Variants in ITGB1BP1 observed in about 807,000 individuals in gnomAD.
ITGB1BP1 encodes the protein integrin beta-1-binding protein 1.
In ITGB1BP1, 20 loss-of-function variants were observed where a neutral mutation model predicts 28.0. The ratio of observed to expected loss-of-function variants is 0.71; its 90% confidence interval spans 0.50 to 1.04. ITGB1BP1 has a LOEUF of 1.04. ITGB1BP1 is among the 50% of genes least tolerant of loss of function. The pLI, the probability that ITGB1BP1 is intolerant of heterozygous loss-of-function variation, is 0.00. For missense variants in ITGB1BP1, 228 were observed against 242.5 expected (o/e 0.94, Z 0.40); for synonymous variants, 103 against 89.5 (o/e 1.15, Z -0.85).
rs1210140109 is a variant in ITGB1BP1, at chr2:9,405,723, T to C, written c.*1111A>G. On this transcript the variant is annotated 3_prime_UTR_variant, in exon 7 of 7. Transcript: ENST00000355346. ...TTTTTAATCTTTAAAGTTTTGTATA[T>C]TGACAGTCCTTTAAAAAAAGTACAC... 6.6e-6 allele frequency: 1 copy of C among 152,268 alleles called. No individual in the cohort carries two copies. Among genetic ancestry groups the C allele is most frequent in the Non-Finnish European group, 1.5e-5 (1 of 68,046 alleles). The allele number at this position is 152,268 out of a possible 1,614,324, so 9.4% of individuals were successfully genotyped here. A position where few individuals can be genotyped will look rare whatever the true frequency, so the allele number is the denominator to read the frequency against.
chr2:9,419,001 G>A (rs768009427), intron 1 of ITGB1BP1, among the ~76,000 whole-genome samples: 8 of 152,104 alleles, frequency 5.3e-5, no homozygotes, highest in Non-Finnish European at 8.8e-5. Context: ...CGATCCTCCC[G>A]CCTTGGCCTC....
intron 4 of ITGB1BP1, among the ~76,000 whole-genome samples, chr2:9,411,440 G>A (rs1444401095): frequency 6.6e-6 from 1 of 152,118 alleles, no homozygotes; most frequent in Non-Finnish European, 1.5e-5. Flanking sequence ...AGTATTAATA[G>A]GCCGGGCACA....
At chr2:9,409,885 C>T (rs567931069) in intron 4 of ITGB1BP1, among the ~76,000 whole-genome samples, 1 of 140,580 alleles carries the variant, frequency 7.1e-6, no homozygotes, top group South Asian at 2.3e-4. Flanking sequence ...GCTCTTGTTG[C>T]CCAGGCTGGA....
In ITGB1BP1 at chr2:9,414,230, A is replaced by G; in HGVS notation, c.99T>C (p.Leu33=). The G allele has an allele frequency of 2.5e-6, 4 of 1,614,100 alleles. No individual in the cohort carries two copies. Among genetic ancestry groups the G allele is most frequent in the Non-Finnish European group, 3.4e-6 (4 of 1,179,950 alleles). ...SKSVDSSLGG[L]SRSSTVASLD... is the part of the protein sequence containing the mutation. ...GGCTGGCCACAGTGCTGGATCGTGA[A>G]AGACCCCCAAGGCTAGAATCCACAG... The change falls in exon 3 of 7, where the codon CTT becomes CTC. Residue 33 remains leucine, a synonymous_variant. Coordinates refer to ENST00000355346, the MANE Select transcript of ITGB1BP1 (RefSeq NM_004763.5).
rs1572662910 is a variant in ITGB1BP1, at chr2:9,405,074, G to A, written c.*1760C>T. On this transcript the variant is annotated 3_prime_UTR_variant, in exon 7 of 7. Coordinates refer to ENST00000355346, the MANE Select transcript of ITGB1BP1 (RefSeq NM_004763.5). The stretch of plus-strand genomic sequence containing the variant: ...GACCACCTGGTGCCAGCTATATAAG[G>A]AATAAAGTTGATTCATATCAACATT... 1.3e-5 allele frequency: 2 copies of A among 152,474 alleles called. No individual in the cohort carries two copies. The highest frequency in any genetic ancestry group is 3.9e-4 in the East Asian group (2 of 5,180). The allele number at this position is 152,474 out of a possible 1,614,324, so 9.4% of individuals were successfully genotyped here.
intron 2 of ITGB1BP1, among the ~76,000 whole-genome samples, chr2:9,416,694 CACA>C (rs992736325): frequency 2.0e-5 from 3 of 152,184 alleles, no homozygotes; most frequent in African/African-American, 7.2e-5. Flanking sequence ...CGACTTCCTC[CACA>C]ACTTTAGGCC....
intron 1 of ITGB1BP1, among the ~76,000 whole-genome samples, chr2:9,420,775 G>T (rs1335753965): frequency 6.6e-6 from 1 of 152,172 alleles, no homozygotes; most frequent in African/African-American, 2.4e-5. Context: ...TTTATTTTTT[G>T]CTTATCTGCT....
intron 1 of ITGB1BP1, among the ~76,000 whole-genome samples, chr2:9,420,836 G>GCA (rs1164853792): frequency 6.6e-6 from 1 of 152,234 alleles, no homozygotes; most frequent in East Asian, 1.9e-4. Flanking sequence ...GACACAATCA[G>GCA]GTGTCTTCTG....
intron 2 of ITGB1BP1, among the ~76,000 whole-genome samples, chr2:9,417,671 G>A (rs1679315192): frequency 6.6e-6 from 1 of 152,010 alleles, no homozygotes; most frequent in African/African-American, 2.4e-5. Context: ...TGCCTGCCTT[G>A]GCCTCCCAAA....
chr2:9,407,235 G>A (rs1248192135), intron 6 of ITGB1BP1: 45 of 613,470 alleles, frequency 7.3e-5, no homozygotes, highest in Admixed American at 4.1e-4. Flanking sequence ...TTTAAATCCC[G>A]GCACAAGCGA....
At position 9,406,687 on chromosome 2, in the gene ITGB1BP1, A is replaced by T. The variant is rs1677430051; in HGVS notation, c.*147T>A. ...ACTGTGTAATAGGACACATTTTAAT[A>T]AACAAATGATCAGCATTTTACACAA... On this transcript the variant is annotated 3_prime_UTR_variant, in exon 7 of 7. Coordinates refer to ENST00000355346, the MANE Select transcript of ITGB1BP1 (RefSeq NM_004763.5). 1.5e-6 allele frequency: 1 copy of T among 653,910 alleles called. No homozygotes were observed. Among genetic ancestry groups the T allele is most frequent in the South Asian group, 1.8e-5 (1 of 54,304 alleles). 40.5% of individuals were successfully genotyped at this position (653,910 alleles called of 1,614,324 possible).
At chr2:9,417,488 C>T (rs1679288931) in intron 2 of ITGB1BP1, among the ~76,000 whole-genome samples, 1 of 152,066 alleles carries the variant, frequency 6.6e-6, no homozygotes, top group South Asian at 2.1e-4. Context: ...GGTGTGATCT[C>T]AGCTCACTGC....
intron 4 of ITGB1BP1, 194 bp from the exon 5 acceptor site, chr2:9,408,399 T>A: frequency 1.8e-6 from 1 of 543,068 alleles, no homozygotes; most frequent in Middle Eastern, 5.0e-4. Flanking sequence ...AGGTTATTTT[T>A]ATTTTTGAGA....
At chr2:9,422,763 C>G in intron 1 of ITGB1BP1, 1 of 985,764 alleles carries the variant, frequency 1.0e-6, no homozygotes, top group Non-Finnish European at 1.2e-6. Context: ...ATGCACGGTG[C>G]TAGGTGCACA....
At chr2:9,418,776 C>CTTTTTT in intron 1 of ITGB1BP1, 44 bp from the exon 2 acceptor site, 4 of 952,038 alleles carry the variant, frequency 4.2e-6, no homozygotes, top group South Asian at 1.5e-5. Flanking sequence ...GGAAAAGCAA[C>CTTTTTT]TTTTTTTTTT....
At chr2:9,411,225 A>G (rs1303480234) in intron 4 of ITGB1BP1, among the ~76,000 whole-genome samples, 2 of 152,122 alleles carry the variant, frequency 1.3e-5, no homozygotes, top group Non-Finnish European at 2.9e-5. Context: ...AACCCACCTC[A>G]TCTCAATTCT....
chr2:9,407,705 G>A (rs1677720413), intron 5 of ITGB1BP1, 107 bp from the exon 6 acceptor site: 1 of 1,259,920 alleles, frequency 7.9e-7, no homozygotes, highest in Non-Finnish European at 1.1e-6. Flanking sequence ...CATATCCATA[G>A]GTTTCTCACC....
At chr2:9,412,738 C>T (rs1335172669) in intron 3 of ITGB1BP1, 2 of 172,990 alleles carry the variant, frequency 1.2e-5, no homozygotes, top group East Asian at 1.7e-4. Flanking sequence ...TTCTTTCTCC[C>T]TCTTCACCAT....
At chr2:9,412,227 A>C in intron 4 of ITGB1BP1, 42 bp downstream of exon 4, 1 of 1,573,866 alleles carries the variant, frequency 6.4e-7, no homozygotes, top group Non-Finnish European at 8.6e-7. Context: ...TTGGCTCCCC[A>C]GACTCTCATA....
Sources: allele counts gnomAD v4.1 joint callset (sites outside exome capture counted in the v4.1 genomes callset), GRCh38; gene constraint gnomAD v4.1.1; transcripts MANE v1.5; gene names NCBI Gene and HGNC (gene_info 2026-07-23, HGNC 2026-07-21).